Variants in FMR1NB observed in about 807,000 individuals in gnomAD.
FMR1NB encodes FMR1 neighbor.
In FMR1NB, 10 loss-of-function variants were observed where a neutral mutation model predicts 16.8. The ratio of observed to expected loss-of-function variants is 0.60; its 90% CI spans 0.37 to 1.01. FMR1NB has a LOEUF of 1.01. Ranked by LOEUF, FMR1NB falls within the 50% of genes least tolerant of loss-of-function variation. The pLI is 0.01. For missense variants in FMR1NB, 205 were observed against 204.8 expected (o/e 1.00, Z 0.00); for synonymous variants, 83 against 79.1 (o/e 1.05, Z -0.26).
At chrX:148,006,560 T>G in intron 2 of FMR1NB, 142 bp from the exon 3 acceptor site, 1 of 564,006 alleles carries the variant, frequency 1.8e-6, no homozygotes, top group South Asian at 4.9e-5. Context: ...AGCTTAAGTC[T>G]TATTTTCTTT....
At chrX:147,984,998 TTTAGA>T (rs1440576019) in intron 1 of FMR1NB, among the ~76,000 whole-genome samples, 4 of 112,323 alleles carry the variant, frequency 3.6e-5, no homozygotes, top group African/African-American at 6.5e-5. Context: ...TTCAACTGTC[TTTAGA>T]TTAGTGGGAT....
At chrX:147,997,162 CA>C (rs782273421) in intron 1 of FMR1NB, among the ~76,000 whole-genome samples, 15 of 111,149 alleles carry the variant, frequency 1.3e-4, no homozygotes, top group Non-Finnish European at 2.8e-4. Flanking sequence ...AAAGCCTAAG[CA>C]AAAAGAACAA....
chrX:148,019,154 T>G (rs1331312417), intron 4 of FMR1NB, among the ~76,000 whole-genome samples: 1 of 112,308 alleles, frequency 8.9e-6, no homozygotes, highest in Non-Finnish European at 1.9e-5. Context: ...AGGTCACTAA[T>G]TGTTTATTCT....
At chrX:148,024,832 A>G (rs1349879109) in intron 4 of FMR1NB, 33 bp from the exon 5 acceptor site, 1 of 1,198,790 alleles carries the variant, frequency 8.3e-7, no homozygotes, top group Non-Finnish European at 1.1e-6. Flanking sequence ...ACTAATGAGA[A>G]ATAAGGTTTC....
At chrX:148,019,805 A>T (rs1022075620) in intron 4 of FMR1NB, among the ~76,000 whole-genome samples, 1 of 111,598 alleles carries the variant, frequency 9.0e-6, no homozygotes, top group South Asian at 3.7e-4. Context: ...GGGTGAGGTG[A>T]CCCAAACACC....
chrX:147,997,150 A>T (rs1237733188), intron 1 of FMR1NB, among the ~76,000 whole-genome samples: 1 of 111,416 alleles, frequency 9.0e-6, no homozygotes, highest in Non-Finnish European at 1.9e-5. Flanking sequence ...ACAAAAGTTT[A>T]TAAAGCCTAA....
intron 4 of FMR1NB, 42 bp from the exon 5 acceptor site, chrX:148,024,823 C>G: frequency 8.4e-7 from 1 of 1,189,510 alleles, no homozygotes; most frequent in Non-Finnish European, 1.1e-6. Flanking sequence ...TATTCTATCA[C>G]TAATGAGAAA....
chrX:148,006,554 TAA>T (rs1212159045), intron 2 of FMR1NB, 146 bp from the exon 3 acceptor site: 10 of 536,802 alleles, frequency 1.9e-5, no homozygotes, highest in African/African-American at 4.8e-5. Flanking sequence ...ACTTTTAGCT[TAA>T]GTCTTATTTT....
At chrX:148,020,201 G>C (rs1340537487) in intron 4 of FMR1NB, among the ~76,000 whole-genome samples, 1 of 111,982 alleles carries the variant, frequency 8.9e-6, no homozygotes, top group African/African-American at 3.2e-5. Context: ...CAGGCCCACA[G>C]GGAGTACTGC....
At position 148,002,936 on chromosome X, in the gene FMR1NB, G is replaced by A. The variant is rs190801527; in HGVS notation, c.278-265G>A. Among the ~76,000 whole-genome samples the A allele has an allele frequency of 2.7e-5, 3 of 112,083 alleles. No homozygotes were observed. The Admixed American group carries it at 2.8e-4, about 11-fold the overall frequency. On this transcript the variant is annotated intron_variant, in intron 1 of 5. Coordinates refer to ENST00000370467, the MANE Select transcript of FMR1NB (RefSeq NM_152578.3). ...GGCCTCTTAATGCCATTTGTCAGAG[G>A]CAAGTTTACTATTGTAAATCAGCTT...
At chrX:148,012,537 T>C (rs1435625798) in intron 4 of FMR1NB, among the ~76,000 whole-genome samples, 2 of 111,957 alleles carry the variant, frequency 1.8e-5, no homozygotes, top group Non-Finnish European at 3.8e-5. Flanking sequence ...TTCTTTCAAC[T>C]AATAAAATGT....
intron 1 of FMR1NB, among the ~76,000 whole-genome samples, chrX:147,991,370 C>CT (rs2044503541): frequency 9.1e-6 from 1 of 109,973 alleles, no homozygotes; most frequent in Non-Finnish European, 1.9e-5. Flanking sequence ...TCCAACCTCC[C>CT]TTATCTCTCC....
intron 4 of FMR1NB, among the ~76,000 whole-genome samples, chrX:148,018,985 A>T (rs1358937254): frequency 8.9e-6 from 1 of 111,946 alleles, no homozygotes; most frequent in Non-Finnish European, 1.9e-5. Context: ...CAAGAAAAAA[A>T]CAAACAACCC....
intron 4 of FMR1NB, among the ~76,000 whole-genome samples, chrX:148,014,714 G>A (rs925781455): frequency 4.5e-5 from 5 of 111,352 alleles, no homozygotes; most frequent in Non-Finnish European, 9.4e-5. Context: ...GCACAATCAC[G>A]GCTTACTGCA....
At chrX:148,009,789 CAGAATAT>C (rs1557189466) in intron 4 of FMR1NB, among the ~76,000 whole-genome samples, 1 of 111,641 alleles carries the variant, frequency 9.0e-6, no homozygotes, top group African/African-American at 3.3e-5. Flanking sequence ...GTTGAGTTAC[CAGAATAT>C]GGTTTAGATT....
intron 1 of FMR1NB, among the ~76,000 whole-genome samples, chrX:147,999,265 A>G (rs1006197850): frequency 4.5e-5 from 5 of 111,814 alleles, no homozygotes; most frequent in Admixed American, 9.5e-5. Flanking sequence ...TCAGTGTGCT[A>G]CTGTCAGCCA....
At chrX:147,981,944 C>T (rs2044450143) in intron 1 of FMR1NB, among the ~76,000 whole-genome samples, 1 of 111,611 alleles carries the variant, frequency 9.0e-6, no homozygotes, top group South Asian at 3.8e-4. Flanking sequence ...CAAAAGCCTT[C>T]CCTTCCTCAC....
At chrX:147,989,783 C>T (rs1028649136) in intron 1 of FMR1NB, among the ~76,000 whole-genome samples, 1 of 111,209 alleles carries the variant, frequency 9.0e-6, no homozygotes, top group Non-Finnish European at 1.9e-5. Flanking sequence ...TGAGTTCCAC[C>T]CAGTCCTTAG....
At position 147,998,542 on chromosome X, in the gene FMR1NB, A is replaced by G. The variant is rs782145205; in HGVS notation, c.278-4659A>G. ...TGGGTGCAGCAAACCACCATGGCCC[A>G]TGTATACCTATGTAACAAACCTGCA... On this transcript the variant is annotated intron_variant, in intron 1 of 5. Coordinates refer to ENST00000370467, the MANE Select transcript of FMR1NB (RefSeq NM_152578.3). 3.6e-5 allele frequency among the ~76,000 whole-genome samples: 4 copies of G among 112,117 alleles called. No individual in the cohort carries two copies. The East Asian group carries it at 1.1e-3, about 32-fold the overall frequency.
Sources: gnomAD v4.1 joint callset for allele counts (sites outside exome capture counted in the v4.1 genomes callset) on GRCh38, gnomAD v4.1.1 for gene constraint, MANE v1.5 for transcripts, NCBI Gene and HGNC (gene_info 2026-07-23, HGNC 2026-07-21) for gene names.